The following CAMSAP1 variants were observed in gnomAD, a reference collection of about 807,000 sequenced individuals.
The protein encoded by CAMSAP1 is calmodulin-regulated spectrin-associated protein 1.
CAMSAP1 carries 58 observed loss-of-function variants against 143.5 expected under a neutral mutation model. That is an observed-to-expected ratio of 0.40 (90% CI 0.33 to 0.50). The LOEUF is 0.50. Ranked by LOEUF, CAMSAP1 falls within the 20% of genes least tolerant of loss-of-function variation. The pLI, the probability that CAMSAP1 is intolerant of heterozygous loss-of-function variation, is 0.45. For synonymous variants in CAMSAP1, 945 were observed against 859.3 expected (o/e 1.10, Z -1.74); for missense variants, 1,969 against 2,115.7 (o/e 0.93, Z 1.36).
intron 1 of CAMSAP1, among the ~76,000 whole-genome samples, chr9:135,890,338 T>A (rs1452132868): frequency 1.3e-5 from 2 of 151,920 alleles, no homozygotes; most frequent in African/African-American, 4.8e-5. Flanking sequence ...TGCGGGAGGC[T>A]CTGGCCGGCC....
intron 5 of CAMSAP1, among the ~76,000 whole-genome samples, chr9:135,855,055 G>A (rs1836906911): frequency 6.6e-6 from 1 of 151,882 alleles, no homozygotes; most frequent in African/African-American, 2.4e-5. Context: ...GCAGTGGCGT[G>A]ATCTCAGCTC....
chr9:135,872,713 A>G (rs1183730419), intron 3 of CAMSAP1, among the ~76,000 whole-genome samples: 1 of 152,254 alleles, frequency 6.6e-6, no homozygotes, highest in Non-Finnish European at 1.5e-5. Context: ...ATCCACATCC[A>G]CATTAAATGA....
intron 14 of CAMSAP1, among the ~76,000 whole-genome samples, chr9:135,817,400 T>G (rs1000279784): frequency 1.3e-5 from 2 of 152,184 alleles, no homozygotes; most frequent in Admixed American, 1.3e-4. Flanking sequence ...TTTTTGCTTT[T>G]GGGGGTTTTC....
At position 135,811,363 on chromosome 9, in the gene CAMSAP1, G is replaced by A. The variant is rs796591593; in HGVS notation, c.4755C>T (p.His1585=). 9 of 1,613,234 alleles carry A rather than the reference G, an allele frequency of 5.6e-6. No individual in the cohort carries two copies. The African/African-American group carries it at 1.2e-4, about 21-fold the overall frequency. Residue 1585 remains histidine, a synonymous_variant, in exon 17 of 17, where the codon CAC becomes CAT. Coordinates refer to ENST00000389532, the MANE Select transcript of CAMSAP1 (RefSeq NM_015447.4). This position sits in a 1 kb window ranked among gnomAD's most constrained non-coding sequence, Gnocchi z 4.9. The part of the protein sequence containing the change: ...VSVDALTIHN[H]LWQPKRPAVP... ...CTGCAGGCCGCTTGGGCTGCCACAG[G>A]TGGTTGTGGATTGTGAGTGCGTCCA...
At chr9:135,828,364 C>T (rs887706967) in intron 7 of CAMSAP1, among the ~76,000 whole-genome samples, 5 of 152,154 alleles carry the variant, frequency 3.3e-5, no homozygotes, top group African/African-American at 1.2e-4. Context: ...TAAGGACGAG[C>T]GGGTGGCGGC....
intron 7 of CAMSAP1, among the ~76,000 whole-genome samples, chr9:135,842,507 T>G (rs1163489772): frequency 2.0e-5 from 3 of 151,506 alleles, no homozygotes; most frequent in Non-Finnish European, 4.4e-5. Context: ...AACAGCACAC[T>G]CCACGAGAAG....
At chr9:135,847,961 A>AGGGGGGGG (rs1836636263) in intron 7 of CAMSAP1, among the ~76,000 whole-genome samples, 1 of 12,900 alleles carries the variant, frequency 7.8e-5, no homozygotes, top group Non-Finnish European at 1.5e-4. Flanking sequence ...GGGGAGGGGG[A>AGGGGGGGG]GGAGTGAAGG....
chr9:135,836,278 C>A, intron 7 of CAMSAP1: 2 of 985,194 alleles, frequency 2.0e-6, no homozygotes, highest in Non-Finnish European at 2.4e-6. Context: ...TCCGCAGCCA[C>A]ACATCACCAC....
intron 5 of CAMSAP1, 109 bp from the exon 6 acceptor site, chr9:135,850,570 A>C: frequency 3.5e-6 from 3 of 862,414 alleles, no homozygotes; most frequent in Non-Finnish European, 5.2e-6. Flanking sequence ...TAATGAAGAT[A>C]ATGACATTGA....
chr9:135,817,953 C>T (rs772224784), intron 14 of CAMSAP1, 24 bp downstream of exon 14: 24 of 1,608,446 alleles, frequency 1.5e-5, no homozygotes, highest in Non-Finnish European at 2.0e-5. Flanking sequence ...AGCCCCGTGC[C>T]GGCGGCCGTC....
At chr9:135,903,628 C>A (rs1838681203) in intron 1 of CAMSAP1, among the ~76,000 whole-genome samples, 1 of 152,214 alleles carries the variant, frequency 6.6e-6, no homozygotes, top group Non-Finnish European at 1.5e-5. Context: ...AGCAGGCTTT[C>A]AATGCTTTCA....
chr9:135,859,456 G>A (rs927146093), intron 5 of CAMSAP1, among the ~76,000 whole-genome samples: 2 of 152,198 alleles, frequency 1.3e-5, no homozygotes, highest in South Asian at 2.1e-4. Flanking sequence ...GCAGTGGCAC[G>A]ATCTCGGCTC....
At chr9:135,887,237 G>A (rs1564458975) in intron 1 of CAMSAP1, among the ~76,000 whole-genome samples, 1 of 152,202 alleles carries the variant, frequency 6.6e-6, no homozygotes, top group Non-Finnish European at 1.5e-5. Context: ...AGAACGGGGC[G>A]GGGCCAGAAC....
At chr9:135,878,602 C>T (rs779118249) in intron 3 of CAMSAP1, among the ~76,000 whole-genome samples, 2 of 152,168 alleles carry the variant, frequency 1.3e-5, no homozygotes, top group African/African-American at 2.4e-5. Flanking sequence ...TGGGGAGAAA[C>T]CCCACCTGTA....
chr9:135,849,133 T>C (rs1193710105), intron 7 of CAMSAP1, among the ~76,000 whole-genome samples: 5 of 152,262 alleles, frequency 3.3e-5, no homozygotes, highest in African/African-American at 1.2e-4. Context: ...ACACACTGAA[T>C]ACACTTAACC....
In CAMSAP1 at chr9:135,823,953, G is replaced by GTTT; in HGVS notation, c.1394_1396dup (p.Lys465dup). On this transcript the variant is annotated inframe_insertion, in exon 10 of 17. Coordinates refer to ENST00000389532, the MANE Select transcript of CAMSAP1 (RefSeq NM_015447.4). ...CACTGCTGAAACACAGACTCACCTG[G>GTTT]TTTTTTTTTCTGGCCAGGCTATTGC... 6.6e-7 allele frequency: 1 copy of GTTT among 1,519,490 alleles called. No individual in the cohort carries two copies. Among genetic ancestry groups the GTTT allele is most frequent in the African/African-American group, 1.4e-5 (1 of 72,618 alleles). The allele number at this position is 1,519,490 out of a possible 1,614,324, so 94.1% of individuals were successfully genotyped here.
intron 1 of CAMSAP1, among the ~76,000 whole-genome samples, chr9:135,886,433 T>G (rs1838125536): frequency 6.6e-6 from 1 of 151,884 alleles, no homozygotes; most frequent in African/African-American, 2.4e-5. Context: ...AAGCAGCCAG[T>G]AGGGGGGTGG....
At chr9:135,850,591 G>A in intron 5 of CAMSAP1, 130 bp from the exon 6 acceptor site, 1 of 711,346 alleles carries the variant, frequency 1.4e-6, no homozygotes, top group South Asian at 2.1e-5. Context: ...GAGATGTAGG[G>A]AGTATAGGAT....
chr9:135,859,759 A>G (rs1837111040), intron 5 of CAMSAP1, among the ~76,000 whole-genome samples: 1 of 152,122 alleles, frequency 6.6e-6, no homozygotes. Context: ...CAATACAGTC[A>G]CACCTTCCTG....
Sources: gnomAD v4.1 joint callset for allele counts (sites outside exome capture counted in the v4.1 genomes callset) on GRCh38, gnomAD v4.1.1 for gene constraint, Gnocchi (gnomAD v3.1) non-coding constraint, MANE v1.5 for transcripts, NCBI Gene and HGNC (gene_info 2026-07-23, HGNC 2026-07-21) for gene names.